Variants in MYO7A observed in about 807,000 individuals in gnomAD.
MYO7A encodes the protein unconventional myosin-VIIa.
Under a neutral mutation model 263.8 loss-of-function variants are expected in MYO7A, and 210 were observed. The observed-to-expected ratio is 0.80, with a 90% CI of 0.71 to 0.89. The LOEUF (loss-of-function observed/expected upper bound fraction) is 0.89. Among genes scored for constraint, MYO7A ranks in the 40% least tolerant of loss-of-function variants. The probability of loss-of-function intolerance (pLI) is 0.00; values close to 1 mark genes in which losing one functional copy is unlikely to be tolerated. For synonymous variants in MYO7A, 1,239 were observed against 1,197.3 expected (o/e 1.03, Z -0.72); for missense variants, 2,820 against 2,968.3 (o/e 0.95, Z 1.16).
intron 26 of MYO7A, among the ~76,000 whole-genome samples, chr11:77,183,567 C>A (rs1955431729): frequency 6.6e-6 from 1 of 152,244 alleles, no homozygotes; most frequent in South Asian, 2.1e-4. Context: ...ATTCATTCTT[C>A]AGTCACTTTG....
intron 15 of MYO7A, among the ~76,000 whole-genome samples, chr11:77,171,627 C>T (rs1264983150): frequency 6.6e-6 from 1 of 152,128 alleles, no homozygotes; most frequent in Admixed American, 6.5e-5. Context: ...CATCTACACC[C>T]CTGGTTTTTG....
Position 77,192,253 on chromosome 11 carries a change from A to G in MYO7A, c.4127A>G (p.Lys1376Arg), listed in dbSNP as rs752614385. ...LIYQQVVRGV[K>R]FGEYRCEKED... ...TACCAGCAGGTGGTGCGAGGAGTCA[A>G]GTTTGGGGAGTACAGGTGTGAGAAG... is the stretch of plus-strand genomic sequence containing the variant. Residue 1376 changes from lysine to arginine, a missense_variant, in exon 31 of 49, where the codon AAG (lysine) becomes AGG (arginine). Coordinates refer to ENST00000409709, the MANE Select transcript of MYO7A (RefSeq NM_000260.4). 3 of 1,614,044 alleles carry G rather than the reference A, an allele frequency of 1.9e-6. No homozygotes were observed. The highest frequency in any genetic ancestry group is 2.5e-6 in the Non-Finnish European group (3 of 1,179,902).
chr11:77,140,803 C>T (rs1437768554), intron 2 of MYO7A, among the ~76,000 whole-genome samples: 2 of 152,216 alleles, frequency 1.3e-5, no homozygotes, highest in Non-Finnish European at 1.5e-5. Flanking sequence ...TTCTCTTCCA[C>T]GCCCAAGCCT....
In MYO7A at chr11:77,175,467, G is replaced by A. The variant is rs1185896993; in HGVS notation, c.2187+3G>A. On this transcript the variant is annotated splice_donor_region_variant and intron_variant, in intron 18 of 48. Transcript: ENST00000409709. ...GCAAAACCAAGATCTTTCTGAAGGTGAGCACAGATGCCTTCCCTGGGCTGC... is the reference window on the plus strand; with the variant it reads ...GCAAAACCAAGATCTTTCTGAAGGTAAGCACAGATGCCTTCCCTGGGCTGC... 2 of 1,612,742 alleles carry A rather than the reference G, an allele frequency of 1.2e-6. No homozygotes were observed. Among genetic ancestry groups the A allele is most frequent in the African/African-American group, 2.7e-5 (2 of 74,930 alleles).
intron 32 of MYO7A, among the ~76,000 whole-genome samples, chr11:77,195,529 C>T (rs543334978): frequency 2.9e-4 from 44 of 152,368 alleles, no homozygotes; most frequent in East Asian, 1.2e-3. Flanking sequence ...GCATATGGTA[C>T]GTCCTGGGTG....
chr11:77,211,945 A>G lies in MYO7A; in HGVS notation c.6354+8A>G, dbSNP rs1957916321. The G allele has an allele frequency of 6.2e-7, 1 of 1,604,520 alleles. No homozygotes were observed. The highest frequency in any genetic ancestry group is 1.1e-5 in the South Asian group (1 of 90,792). ...GCCTTCTTCGAGGTGAAGGTACACC[A>G]TGGGCTTCTCAGAGCAGAGGAGGAG... On this transcript the variant is annotated splice_region_variant and intron_variant, in intron 46 of 48. Transcript: ENST00000409709.
rs757893680 is a variant in MYO7A, at chr11:77,192,195, C to T, written c.4069C>T (p.Pro1357Ser). 4.3e-6 allele frequency: 7 copies of T among 1,614,076 alleles called. No homozygotes were observed. In the East Asian group the frequency reaches 1.1e-4, roughly 26 times the overall value. The part of the protein sequence containing the change: ...RKEVFTPWHS[P>S]SEDNVATNLI... ...AGAGGTCTTCACGCCCTGGCACAGCCCCTCCGAGGACAACGTGGCCACCAA... is the reference window on the plus strand; with the variant it reads ...AGAGGTCTTCACGCCCTGGCACAGCTCCTCCGAGGACAACGTGGCCACCAA... Residue 1357 changes from proline (P) to serine (S), a missense_variant, in exon 31 of 49, where the codon CCC (proline) becomes TCC (serine). Transcript: ENST00000409709.
intron 16 of MYO7A, among the ~76,000 whole-genome samples, chr11:77,173,978 C>T (rs1954383965): frequency 6.6e-6 from 1 of 151,982 alleles, no homozygotes; most frequent in African/African-American, 2.4e-5. Flanking sequence ...GTGGACTGGG[C>T]CTTGGCAATA....
chr11:77,172,753 C>A lies in MYO7A; in HGVS notation c.1803C>A (p.Ala601=). The A allele has an allele frequency of 3.9e-6, 6 of 1,556,982 alleles. No individual in the cohort carries two copies. Among genetic ancestry groups the A allele is most frequent in the Non-Finnish European group, 5.2e-6 (6 of 1,151,192 alleles). The change falls in exon 16 of 49, where the codon GCC becomes GCA. Residue 601 remains alanine, a synonymous_variant. Coordinates refer to ENST00000409709, the MANE Select transcript of MYO7A (RefSeq NM_000260.4). The stretch of plus-strand genomic sequence containing the variant: ...GCTGCCGTCCGTCCCCCCAGGGCGC[C>A]GAGACCAGGAAGCGCTCGCCCACAC... ...QIFQADVAMG[A]ETRKRSPTLS...
chr11:77,213,599 C>G (rs1957999916), intron 47 of MYO7A, among the ~76,000 whole-genome samples: 1 of 152,130 alleles, frequency 6.6e-6, no homozygotes, highest in African/African-American at 2.4e-5. Context: ...CTCATTCAGG[C>G]CACGGTGTCA....
intron 29 of MYO7A, among the ~76,000 whole-genome samples, 186 bp from the exon 30 acceptor site, chr11:77,190,511 T>C (rs553935011): frequency 2.2e-4 from 34 of 152,110 alleles, no homozygotes; most frequent in African/African-American, 7.7e-4. Flanking sequence ...AAAGGTCCCA[T>C]TGGGGTGGGG....
chr11:77,136,717 T>C (rs782157826), intron 2 of MYO7A, among the ~76,000 whole-genome samples: 1 of 152,246 alleles, frequency 6.6e-6, no homozygotes, highest in Non-Finnish European at 1.5e-5. Context: ...AGTGTCATTT[T>C]GTCACCTGAC....
intron 39 of MYO7A, among the ~76,000 whole-genome samples, chr11:77,204,576 AGGCTGGGCC>A: frequency 6.6e-6 from 1 of 152,324 alleles, no homozygotes; most frequent in Admixed American, 6.5e-5. Flanking sequence ...TCCCTGGTGC[AGGCTGGGCC>A]GGCTGTCAGC....
At chr11:77,172,727 C>G in intron 15 of MYO7A, 21 bp from the exon 16 acceptor site, 1 of 1,549,206 alleles carries the variant, frequency 6.5e-7, no homozygotes, top group East Asian at 2.4e-5. Flanking sequence ...CCCCTCCCAT[C>G]GCTGCCGTCC....
intron 30 of MYO7A, 158 bp downstream of exon 30, chr11:77,191,028 T>G: frequency 1.2e-6 from 1 of 829,946 alleles, no homozygotes; most frequent in East Asian, 2.7e-5. Flanking sequence ...TCCTCAGGAC[T>G]GCCGAGAACT....
At chr11:77,199,500 G>C (rs1565459397) in intron 34 of MYO7A, 35 bp from the exon 35 acceptor site, 3 of 1,457,042 alleles carry the variant, frequency 2.1e-6, no homozygotes, top group Non-Finnish European at 2.7e-6. Context: ...ACTGGTTGGG[G>C]CATGACTGAC....
rs752608353 is a variant in MYO7A, at chr11:77,205,622, A to G, written c.5636+5A>G. 6.2e-6 allele frequency: 10 copies of G among 1,613,136 alleles called. No individual in the cohort carries two copies. Among genetic ancestry groups the G allele is most frequent in the Admixed American group, 1.7e-5 (1 of 59,978 alleles). On this transcript the variant is annotated splice_donor_5th_base_variant and intron_variant, in intron 40 of 48. Coordinates refer to ENST00000409709, the MANE Select transcript of MYO7A (RefSeq NM_000260.4). ...ACGGCTCCAGAAAGCCCTGAGGTACAGCGGCCACCAGGGGCAGGGACAGAC... is the reference window on the plus strand; with the variant it reads ...ACGGCTCCAGAAAGCCCTGAGGTACGGCGGCCACCAGGGGCAGGGACAGAC...
intron 1 of MYO7A, among the ~76,000 whole-genome samples, chr11:77,129,989 GC>G (rs1208108892): frequency 2.6e-5 from 4 of 151,590 alleles, no homozygotes; most frequent in African/African-American, 9.7e-5. Flanking sequence ...CCGGGCCCAG[GC>G]CCAGGTGCGG....
rs782392429 is a variant in MYO7A, at chr11:77,159,517, G to A, written c.1074G>A (p.Leu358=). ...FSPSLATAAS[L]LEVNPPDLMS... ...CATCGCTGGCCACAGCTGCATCCCT[G>A]CTTGAGGTCAGTGCCTGGCCTCTCT... is the stretch of plus-strand genomic sequence containing the variant. Residue 358 remains leucine, a synonymous_variant, in exon 10 of 49, where the codon CTG becomes CTA. Coordinates refer to ENST00000409709, the MANE Select transcript of MYO7A (RefSeq NM_000260.4). 2 of 1,612,784 alleles carry A rather than the reference G, an allele frequency of 1.2e-6. No homozygotes were observed. Among genetic ancestry groups the A allele is most frequent in the South Asian group, 1.1e-5 (1 of 91,054 alleles).
Sources: gnomAD v4.1 joint callset for allele counts (sites outside exome capture counted in the v4.1 genomes callset) on GRCh38, gnomAD v4.1.1 for gene constraint, MANE v1.5 for transcripts, NCBI Gene and HGNC (gene_info 2026-07-23, HGNC 2026-07-21) for gene names.